KCNIP1: variants seen among roughly 807,000 people sequenced by gnomAD.
KCNIP1 encodes the protein A-type potassium channel modulatory protein KCNIP1.
KCNIP1 carries 18 observed loss-of-function variants against 33.0 expected under a neutral mutation model. The observed-to-expected ratio is 0.55, with a 90% CI of 0.38 to 0.81. The LOEUF (loss-of-function observed/expected upper bound fraction) is 0.81, where lower values mean the gene tolerates loss of function less well. Ranked by LOEUF, KCNIP1 falls within the 30% of genes least tolerant of loss-of-function variation. KCNIP1 has a pLI of 0.00. For synonymous variants in KCNIP1, 93 were observed against 98.3 expected, an observed-to-expected ratio of 0.95 and a Z score of 0.32; for missense variants, 238 against 271.6, an observed-to-expected ratio of 0.88 and a Z score of 0.87.
intron 1 of KCNIP1, among the ~76,000 whole-genome samples, chr5:170,536,866 G>A (rs1437721622): frequency 1.3e-5 from 2 of 152,216 alleles, no homozygotes; most frequent in Non-Finnish European, 2.9e-5. Flanking sequence ...CAGGAAAGGA[G>A]GGAGGCAGGA....
intron 1 of KCNIP1, among the ~76,000 whole-genome samples, chr5:170,553,802 C>T (rs1262175050): frequency 3.9e-5 from 6 of 152,242 alleles, no homozygotes; most frequent in Admixed American, 1.3e-4. Context: ...AGGCTTAGCA[C>T]AGTGCCTGGT....
intron 1 of KCNIP1, among the ~76,000 whole-genome samples, chr5:170,560,038 G>A (rs1756979792): frequency 6.6e-6 from 1 of 152,190 alleles, no homozygotes; most frequent in Non-Finnish European, 1.5e-5. Context: ...GGGATTCATA[G>A]ATGATGTTCA....
chr5:170,516,221 CT>C (rs1242707013), intron 1 of KCNIP1, among the ~76,000 whole-genome samples: 3 of 152,162 alleles, frequency 2.0e-5, no homozygotes, highest in Non-Finnish European at 4.4e-5. Flanking sequence ...CCTTGTCCCC[CT>C]AAGTGTCTCC....
intron 1 of KCNIP1, among the ~76,000 whole-genome samples, chr5:170,372,543 C>T (rs181934066): frequency 2.0e-5 from 3 of 152,004 alleles, no homozygotes; most frequent in East Asian, 1.9e-4. Flanking sequence ...GCTCCCATGC[C>T]GAAGCTATTT....
intron 1 of KCNIP1, among the ~76,000 whole-genome samples, chr5:170,520,973 G>C (rs2113305188): frequency 6.6e-6 from 1 of 152,274 alleles, no homozygotes; most frequent in African/African-American, 2.4e-5. Context: ...TCCCTTCTTG[G>C]GTTGCTGTGG....
intron 1 of KCNIP1, among the ~76,000 whole-genome samples, chr5:170,496,253 C>A (rs1282607591): frequency 1.3e-5 from 2 of 152,240 alleles, no homozygotes; most frequent in Non-Finnish European, 1.5e-5. Context: ...GGACCCTTGT[C>A]CCTCCCATGT....
At chr5:170,712,650 G>A (rs1038390462) in intron 1 of KCNIP1, among the ~76,000 whole-genome samples, 3 of 152,250 alleles carry the variant, frequency 2.0e-5, no homozygotes, top group African/African-American at 7.2e-5. Context: ...ATGGGCACTG[G>A]GAGGCAACCC....
intron 1 of KCNIP1, among the ~76,000 whole-genome samples, chr5:170,440,786 G>A (rs1316139986): frequency 6.6e-6 from 1 of 152,180 alleles, no homozygotes; most frequent in Non-Finnish European, 1.5e-5. Flanking sequence ...GGGAGAGTTG[G>A]GGGTTAACTG....
intron 1 of KCNIP1, among the ~76,000 whole-genome samples, chr5:170,441,951 CAAAAAAA>C (rs34610945): frequency 1.4e-5 from 1 of 72,248 alleles, no homozygotes; most frequent in African/African-American, 6.0e-5. Context: ...GACTCCATCT[CAAAAAAA>C]AAAAAAAAAA....
chr5:170,573,392 A>G (rs115071517), intron 1 of KCNIP1, among the ~76,000 whole-genome samples: 2,987 of 152,282 alleles, frequency 0.02, 50 homozygotes, highest in Non-Finnish European at 0.028. Context: ...GTGCCTCTCT[A>G]ACTCAAATCC....
Position 170,425,342 on chromosome 5 carries a change from G to A in KCNIP1, c.88+71378G>A, listed in dbSNP as rs143844879. Reference sequence around the variant, plus strand: ...TCCAAGTTGGGTGAACCCTGACCTGGCCCCTTGAAAGAGACAATTTGATTC... The same window carrying A: ...TCCAAGTTGGGTGAACCCTGACCTGACCCCTTGAAAGAGACAATTTGATTC... On this transcript the variant is annotated intron_variant, in intron 1 of 7. Transcript: ENST00000377360. Among the ~76,000 whole-genome samples the A allele has an allele frequency of 1.0e-3, 157 of 152,264 alleles. 1 individual carries two copies. The highest frequency in any genetic ancestry group is 1.8e-3 in the Non-Finnish European group (124 of 68,018).
intron 1 of KCNIP1, among the ~76,000 whole-genome samples, chr5:170,485,162 G>A (rs186265184): frequency 6.8e-4 from 103 of 152,088 alleles, no homozygotes; most frequent in African/African-American, 2.4e-3. Context: ...CTAGTCTCAA[G>A]CTCCCGACCT....
chr5:170,392,598 G>A (rs117422437), intron 1 of KCNIP1, among the ~76,000 whole-genome samples: 5 of 152,266 alleles, frequency 3.3e-5, no homozygotes, highest in East Asian at 3.9e-4. Flanking sequence ...CAAGGCAGGC[G>A]GTTCATTTGA....
At chr5:170,580,009 T>C (rs528599932) in intron 1 of KCNIP1, among the ~76,000 whole-genome samples, 96 of 152,010 alleles carry the variant, frequency 6.3e-4, no homozygotes, top group Non-Finnish European at 1.2e-3. Context: ...AGTTCACAGA[T>C]ATGCTTGGTG....
intron 1 of KCNIP1, among the ~76,000 whole-genome samples, chr5:170,599,145 CT>C (rs922078617): frequency 2.0e-5 from 3 of 152,104 alleles, no homozygotes; most frequent in Middle Eastern, 3.2e-3. Context: ...CTCCTCCTTC[CT>C]CTACCACATT....
chr5:170,668,052 G>T (rs1581472781), intron 1 of KCNIP1, among the ~76,000 whole-genome samples: 1 of 152,200 alleles, frequency 6.6e-6, no homozygotes, highest in East Asian at 1.9e-4. Context: ...ACTTTCACAG[G>T]TTTTATCCCT....
intron 1 of KCNIP1, among the ~76,000 whole-genome samples, chr5:170,403,296 G>A (rs1754954020): frequency 6.6e-6 from 1 of 152,220 alleles, no homozygotes; most frequent in Admixed American, 6.5e-5. Flanking sequence ...TGGGATTTTG[G>A]AGCAGATTCA....
At chr5:170,527,744 G>A (rs6873872) in intron 1 of KCNIP1, among the ~76,000 whole-genome samples, 16,536 of 148,152 alleles carry the variant, frequency 0.11, 1,662 homozygotes, top group African/African-American at 0.27. Context: ...ACAGTTACAC[G>A]CTCACAGGCT....
chr5:170,620,060 C>T (rs377214263), intron 1 of KCNIP1, among the ~76,000 whole-genome samples: 18 of 152,344 alleles, frequency 1.2e-4, no homozygotes, highest in African/African-American at 3.6e-4. Context: ...TCTCAGTCTC[C>T]GTTGACTCAT....
Sources: allele counts gnomAD v4.1 joint callset (sites outside exome capture counted in the v4.1 genomes callset), GRCh38; gene constraint gnomAD v4.1.1; transcripts MANE v1.5; gene names NCBI Gene and HGNC (gene_info 2026-07-23, HGNC 2026-07-21).